Variants in CAMKMT observed in about 807,000 individuals in gnomAD.
CAMKMT encodes CaM KMT.
Under a neutral mutation model 48.0 loss-of-function variants are expected in CAMKMT, and 53 were observed. That is an observed-to-expected ratio of 1.10 (90% CI 0.89 to 1.39). The LOEUF (loss-of-function observed/expected upper bound fraction) is 1.39, where lower values mean the gene tolerates loss of function less well. Ranked by LOEUF, CAMKMT falls within the 40% of genes most tolerant of loss-of-function variation. The probability of loss-of-function intolerance (pLI) is 0.00; values close to 1 mark genes in which losing one functional copy is unlikely to be tolerated. For synonymous variants in CAMKMT, 165 were observed against 152.3 expected (o/e 1.08, Z -0.61); for missense variants, 428 against 402.7 (o/e 1.06, Z -0.54).
At chr2:44,596,404 G>A (rs1670666902) in intron 3 of CAMKMT, among the ~76,000 whole-genome samples, 1 of 147,948 alleles carries the variant, frequency 6.8e-6, no homozygotes, top group Non-Finnish European at 1.5e-5. Flanking sequence ...AACTAAACAT[G>A]TGCCACTGCA....
chr2:44,574,601 A>G (rs1669102557), intron 3 of CAMKMT, among the ~76,000 whole-genome samples: 2 of 147,624 alleles, frequency 1.4e-5, no homozygotes, highest in South Asian at 4.4e-4. Context: ...TATCAAGAAT[A>G]CAGGGGGAAA....
chr2:44,400,930 G>GTATATATATATATATATATA (rs755352747), intron 3 of CAMKMT: 1 of 64,250 alleles, frequency 1.6e-5, no homozygotes, highest in African/African-American at 9.1e-5. Context: ...TTATGTGTGT[G>GTATATATATATATATATATA]TATATATATA....
At chr2:44,593,459 TG>T (rs570794355) in intron 3 of CAMKMT, among the ~76,000 whole-genome samples, 65 of 152,276 alleles carry the variant, frequency 4.3e-4, no homozygotes, top group African/African-American at 1.5e-3. Context: ...CTAGCCACAT[TG>T]TTTTTTCCAG....
intron 3 of CAMKMT, among the ~76,000 whole-genome samples, chr2:44,534,376 A>G (rs569618625): frequency 6.6e-6 from 1 of 152,304 alleles, no homozygotes; most frequent in Admixed American, 6.5e-5. Flanking sequence ...TGGACTTTAT[A>G]CCAAATGGGC....
chr2:44,582,453 A>G (rs941036500), intron 3 of CAMKMT, among the ~76,000 whole-genome samples: 1 of 152,208 alleles, frequency 6.6e-6, no homozygotes, highest in African/African-American at 2.4e-5. Context: ...TGTGCCTGGT[A>G]AGCTGTCTCA....
chr2:44,666,936 A>G lies in CAMKMT; in HGVS notation c.377-37347A>G, dbSNP rs549751851. 2.9e-3 allele frequency among the ~76,000 whole-genome samples: 438 copies of G among 152,338 alleles called. 2 individuals are homozygous for G. The highest frequency in any genetic ancestry group is 0.01 in the African/African-American group (420 of 41,586). ...TTCTTAATTTGTTAAGAATCCATACAGGAGGAGAAGTAACCAATTTGCCTA... is the reference window on the plus strand; with the variant it reads ...TTCTTAATTTGTTAAGAATCCATACGGGAGGAGAAGTAACCAATTTGCCTA... On this transcript the variant is annotated intron_variant, in intron 3 of 10. Coordinates refer to ENST00000378494, the MANE Select transcript of CAMKMT (RefSeq NM_024766.5).
At chr2:44,630,200 A>G (rs1002253384) in intron 3 of CAMKMT, among the ~76,000 whole-genome samples, 84 of 151,350 alleles carry the variant, frequency 5.6e-4, no homozygotes, top group African/African-American at 1.9e-3. Flanking sequence ...CATATGTAGA[A>G]AGCTGAAACT....
chr2:44,751,321 T>A (rs1245993382), intron 8 of CAMKMT, among the ~76,000 whole-genome samples: 1 of 152,168 alleles, frequency 6.6e-6, no homozygotes, highest in Non-Finnish European at 1.5e-5. Flanking sequence ...TGAGAGGCAG[T>A]ACCAAGCAGT....
chr2:44,670,526 C>G (rs1198932758), intron 3 of CAMKMT, among the ~76,000 whole-genome samples: 1 of 152,092 alleles, frequency 6.6e-6, no homozygotes, highest in Admixed American at 6.5e-5. Flanking sequence ...CTGGTGCATA[C>G]CTATGGTCCT....
chr2:44,695,640 T>C (rs1233178660), intron 3 of CAMKMT, among the ~76,000 whole-genome samples: 1 of 152,180 alleles, frequency 6.6e-6, no homozygotes, highest in Non-Finnish European at 1.5e-5. Context: ...CATAGGGATG[T>C]TTTTTAAGGC....
intron 3 of CAMKMT, among the ~76,000 whole-genome samples, chr2:44,515,612 A>G (rs72879361): frequency 0.014 from 2,151 of 152,308 alleles, 38 homozygotes; most frequent in African/African-American, 0.043. Flanking sequence ...CCAGTGAGTG[A>G]GTCAGTGATT....
chr2:44,479,999 TGAC>T (rs1338695847), intron 3 of CAMKMT, among the ~76,000 whole-genome samples: 115 of 152,310 alleles, frequency 7.6e-4, no homozygotes, highest in Non-Finnish European at 7.4e-5. Flanking sequence ...TTGTTAATGT[TGAC>T]TGCTGCTGCA....
chr2:44,723,260 T>G (rs114642935), intron 7 of CAMKMT, among the ~76,000 whole-genome samples: 4,630 of 152,248 alleles, frequency 0.03, 111 homozygotes, highest in Middle Eastern at 0.068. Context: ...GCTGAGAGCT[T>G]CTCATTCAAT....
chr2:44,648,101 C>G (rs1673851295), intron 3 of CAMKMT, among the ~76,000 whole-genome samples: 1 of 151,630 alleles, frequency 6.6e-6, no homozygotes, highest in Non-Finnish European at 1.5e-5. Context: ...TATGTATTGA[C>G]AGGGAAGGGT....
chr2:44,445,645 G>GTTTTGTTT (rs1558621354), intron 3 of CAMKMT, among the ~76,000 whole-genome samples: 1 of 101,408 alleles, frequency 9.9e-6, no homozygotes, highest in African/African-American at 3.7e-5. Flanking sequence ...CAAAAGGGTA[G>GTTTTGTTT]TTTTTTTTTT....
At chr2:44,622,673 T>G (rs1672263773) in intron 3 of CAMKMT, among the ~76,000 whole-genome samples, 1 of 152,250 alleles carries the variant, frequency 6.6e-6, no homozygotes, top group African/African-American at 2.4e-5. Flanking sequence ...GGATATGATT[T>G]ATTTTTTATG....
chr2:44,370,398 T>C (rs1679036663), intron 1 of CAMKMT, among the ~76,000 whole-genome samples: 1 of 152,208 alleles, frequency 6.6e-6, no homozygotes, highest in African/African-American at 2.4e-5. Context: ...GTGTCAGTTT[T>C]AGTAGTTGTG....
intron 3 of CAMKMT, among the ~76,000 whole-genome samples, chr2:44,487,397 T>C (rs1404417193): frequency 2.0e-5 from 3 of 152,206 alleles, no homozygotes; most frequent in Non-Finnish European, 4.4e-5. Flanking sequence ...TTGTTTATTA[T>C]ATAAAGTTGA....
At chr2:44,395,975 A>G (rs927996187) in intron 3 of CAMKMT, among the ~76,000 whole-genome samples, 1 of 152,160 alleles carries the variant, frequency 6.6e-6, no homozygotes, top group Non-Finnish European at 1.5e-5. Context: ...AAAGACCTAA[A>G]TATATGTGAC....
Sources: allele counts gnomAD v4.1 joint callset (sites outside exome capture counted in the v4.1 genomes callset), GRCh38; gene constraint gnomAD v4.1.1; transcripts MANE v1.5; gene names NCBI Gene and HGNC (gene_info 2026-07-23, HGNC 2026-07-21).